Variants in SH3GL1 observed in about 807,000 individuals in gnomAD.
The protein encoded by SH3GL1 is SH3 domain containing GRB2 like 1, endophilin A2.
In SH3GL1, 21 loss-of-function variants were observed where a neutral mutation model predicts 48.8. The ratio of observed to expected loss-of-function variants is 0.43; its 90% CI spans 0.30 to 0.62. The LOEUF is 0.62. Ranked by LOEUF, SH3GL1 falls within the 20% of genes least tolerant of loss-of-function variation. The pLI, the probability that SH3GL1 is intolerant of heterozygous loss-of-function variation, is 0.11. For missense variants in SH3GL1, 454 were observed against 503.0 expected (o/e 0.90, Z 0.93); for synonymous variants, 282 against 217.5 (o/e 1.30, Z -2.61).
chr19:4,392,229 T>A (rs563958764), intron 1 of SH3GL1, among the ~76,000 whole-genome samples: 1 of 152,236 alleles, frequency 6.6e-6, no homozygotes, highest in African/African-American at 2.4e-5. Flanking sequence ...ATGAACCCCA[T>A]ATTTTTGTAT....
At chr19:4,368,002 C>A (rs1972819488) in intron 1 of SH3GL1, among the ~76,000 whole-genome samples, 1 of 152,240 alleles carries the variant, frequency 6.6e-6, no homozygotes, top group African/African-American at 2.4e-5. Context: ...CCTGAGGTCA[C>A]AAGCTTGGCC....
At chr19:4,374,734 G>C (rs2144886019) in intron 1 of SH3GL1, among the ~76,000 whole-genome samples, 1 of 152,294 alleles carries the variant, frequency 6.6e-6, no homozygotes, top group Non-Finnish European at 1.5e-5. Flanking sequence ...CTTGGCTCTG[G>C]CCTGGCCCCT....
chr19:4,397,872 G>A (rs1332108991), intron 1 of SH3GL1, among the ~76,000 whole-genome samples: 1 of 152,066 alleles, frequency 6.6e-6, no homozygotes, highest in Non-Finnish European at 1.5e-5. Flanking sequence ...TTTGAGACAG[G>A]GTCTCACTTT....
At position 4,361,491 on chromosome 19, in the gene SH3GL1, C is replaced by A; in HGVS notation, c.*109G>T. ...TCAAGGGCCGGGGCCCAGGTGGCGC[C>A]GGCAGGCTCAGACACCGCCCTGGCA... On this transcript the variant is annotated 3_prime_UTR_variant, in exon 10 of 10. Transcript: ENST00000269886. 1.2e-6 allele frequency: 1 copy of A among 839,792 alleles called. No homozygotes were observed. The allele number at this position is 839,792 out of a possible 1,614,324, so 52.0% of individuals were successfully genotyped here. A position where few individuals can be genotyped will look rare whatever the true frequency, so the allele number is the denominator to read the frequency against.
At chr19:4,386,860 G>A (rs1018209621) in intron 1 of SH3GL1, among the ~76,000 whole-genome samples, 5 of 152,342 alleles carry the variant, frequency 3.3e-5, no homozygotes, top group South Asian at 2.1e-4. Context: ...TTCCCACAGC[G>A]TGGCAGCTAA....
At chr19:4,386,159 C>T (rs1263734873) in intron 1 of SH3GL1, among the ~76,000 whole-genome samples, 2 of 152,216 alleles carry the variant, frequency 1.3e-5, no homozygotes, top group Non-Finnish European at 2.9e-5. Context: ...GCCAGGGCTG[C>T]CCATCTGTTT....
At chr19:4,380,612 C>T (rs111680041) in intron 1 of SH3GL1, among the ~76,000 whole-genome samples, 1 of 152,112 alleles carries the variant, frequency 6.6e-6, no homozygotes, top group Non-Finnish European at 1.5e-5. Context: ...CTGGAAAAAA[C>T]GTGCGTCAAA....
chr19:4,371,063 C>T lies in SH3GL1; in HGVS notation c.46-4069G>A, dbSNP rs185143020. On this transcript the variant is annotated intron_variant, in intron 1 of 9. Transcript: ENST00000269886. ...ACCTGTGAGCCAGGCACCTGGGAAA[C>T]GAGCAAGCTGGACACGAAGATGGGG... Among the ~76,000 whole-genome samples, 525 of 152,352 alleles carry T rather than the reference C, an allele frequency of 3.4e-3. 1 individual carries two copies. The highest frequency in any genetic ancestry group is 0.011 in the African/African-American group (472 of 41,586).
rs529241521 is a variant in SH3GL1 at position 4,400,142 on chromosome 19, G to A, written c.45+182C>T. Among the ~76,000 whole-genome samples, 22 of 152,260 alleles carry A rather than the reference G, an allele frequency of 1.4e-4. No individual in the cohort carries two copies. In the South Asian group the frequency reaches 4.6e-3, roughly 32 times the overall value. On this transcript the variant is annotated intron_variant, in intron 1 of 9. Transcript: ENST00000269886. This position sits in a 1 kb window ranked among gnomAD's most constrained non-coding sequence, Gnocchi z 4.1. ...TCCCCGCTTCTGGAGCCCGCATGGC[G>A]GGCAGGGCCTGGGCCACCTCGTCGC... is the stretch of plus-strand genomic sequence containing the variant.
Position 4,366,486 on chromosome 19 carries a change from G to A in SH3GL1, c.187+15C>T, listed in dbSNP as rs1471490587. On this transcript the variant is annotated intron_variant, in intron 3 of 9. Coordinates refer to ENST00000269886, the MANE Select transcript of SH3GL1 (RefSeq NM_003025.4). ...AGGGCCTGGGGCAGGCCCTGGCAGT[G>A]GCTGGAGCACCCACCTGGGTTGGGC... 1 of 1,604,848 alleles carries A rather than the reference G, an allele frequency of 6.2e-7. No homozygotes were observed. Among genetic ancestry groups the A allele is most frequent in the Middle Eastern group, 2.1e-4 (1 of 4,664 alleles).
chr19:4,369,335 A>T (rs975688926), intron 1 of SH3GL1, among the ~76,000 whole-genome samples: 27 of 152,152 alleles, frequency 1.8e-4, no homozygotes, highest in African/African-American at 5.8e-4. Context: ...CCGGAGAGGG[A>T]AATGAGTGGC....
intron 9 of SH3GL1, 61 bp downstream of exon 9, chr19:4,362,268 C>T: frequency 6.6e-7 from 1 of 1,511,054 alleles, no homozygotes; most frequent in Admixed American, 1.8e-5. Flanking sequence ...GGAGGAGAAA[C>T]ACCCTCCCCG....
intron 1 of SH3GL1, among the ~76,000 whole-genome samples, chr19:4,377,779 G>A (rs530173944): frequency 2.0e-5 from 3 of 152,230 alleles, no homozygotes; most frequent in South Asian, 2.1e-4. Flanking sequence ...GTGGAAACCC[G>A]GGCTGGGAAT....
chr19:4,383,014 G>A (rs911333595), intron 1 of SH3GL1, among the ~76,000 whole-genome samples: 18 of 152,148 alleles, frequency 1.2e-4, no homozygotes, highest in Admixed American at 6.6e-5. Flanking sequence ...TGCCTCCCGG[G>A]TTCAAGTGAG....
intron 1 of SH3GL1, among the ~76,000 whole-genome samples, chr19:4,392,087 C>T (rs930979278): frequency 2.6e-5 from 4 of 152,148 alleles, no homozygotes; most frequent in African/African-American, 7.2e-5. Context: ...CTGGACTCAC[C>T]GGCCTTGTCC....
intron 1 of SH3GL1, among the ~76,000 whole-genome samples, chr19:4,378,526 C>T (rs538464784): frequency 1.3e-4 from 20 of 152,110 alleles, no homozygotes; most frequent in Admixed American, 3.9e-4. Flanking sequence ...ACCAGCCTGA[C>T]CAACAGGGAG....
intron 1 of SH3GL1, among the ~76,000 whole-genome samples, chr19:4,373,917 T>C (rs1972953977): frequency 6.6e-6 from 1 of 152,192 alleles, no homozygotes; most frequent in Non-Finnish European, 1.5e-5. Context: ...CTAAATCGCC[T>C]TGGGGGTGCG....
rs192183396 is a variant in SH3GL1, at chr19:4,362,498, C to G, written c.854-113G>C. On this transcript the variant is annotated intron_variant, in intron 8 of 9. Coordinates refer to ENST00000269886, the MANE Select transcript of SH3GL1 (RefSeq NM_003025.4). ...CTGCCTTGGCGGTCCAGATGGAGCA[C>G]GGCTGAGAGCTGCACCCAGGAGTCT... The G allele has an allele frequency of 8.8e-4, 1,385 of 1,573,700 alleles. 6 individuals carry two copies. In the African/African-American group the frequency reaches 0.011, roughly 12 times the overall value.
intron 1 of SH3GL1, among the ~76,000 whole-genome samples, chr19:4,388,165 A>T (rs1259109587): frequency 5.3e-5 from 8 of 152,086 alleles, no homozygotes; most frequent in Admixed American, 5.2e-4. Flanking sequence ...GGCCTATTCC[A>T]GTTACTGTTA....
Sources: gnomAD v4.1 joint callset for allele counts (sites outside exome capture counted in the v4.1 genomes callset) on GRCh38, gnomAD v4.1.1 for gene constraint, Gnocchi (gnomAD v3.1) non-coding constraint, MANE v1.5 for transcripts, NCBI Gene and HGNC (gene_info 2026-07-23, HGNC 2026-07-21) for gene names.